The following NDOR1 variants were observed in gnomAD, a reference collection of about 807,000 sequenced individuals.
NDOR1 encodes NADPH dependent diflavin oxidoreductase 1, also known as NADPH-dependent diflavin oxidoreductase 1.
NDOR1 carries 61 observed loss-of-function variants against 67.2 expected under a neutral mutation model. The ratio of observed to expected loss-of-function variants is 0.91; its 90% confidence interval spans 0.74 to 1.12. The LOEUF is 1.12. Among genes scored for constraint, NDOR1 ranks in the 50% most tolerant of loss-of-function variants. The probability of loss-of-function intolerance (pLI) is 0.00; values close to 1 mark genes in which losing one functional copy is unlikely to be tolerated. For missense variants in NDOR1, 878 were observed against 802.8 expected (o/e 1.09, Z -1.13); for synonymous variants, 378 against 343.7 (o/e 1.10, Z -1.10).
chr9:137,215,308 C>T, intron 9 of NDOR1, 99 bp from the exon 10 acceptor site: 10 of 1,533,762 alleles, frequency 6.5e-6, no homozygotes, highest in African/African-American at 1.4e-5. Flanking sequence ...TGACGTTCCC[C>T]CAGTCGGACT....
intron 2 of NDOR1, among the ~76,000 whole-genome samples, chr9:137,206,580 A>G (rs1036921719): frequency 6.6e-6 from 1 of 152,000 alleles, no homozygotes; most frequent in Admixed American, 6.6e-5. Flanking sequence ...TCTTGTGTGT[A>G]TTTCTAGACT....
chr9:137,214,541 C>T (rs1835437969), intron 6 of NDOR1, 29 bp from the exon 7 acceptor site: 2 of 1,610,600 alleles, frequency 1.2e-6, no homozygotes, highest in Non-Finnish European at 1.7e-6. Flanking sequence ...TGCGGCGTCC[C>T]CACAGCCCTG....
rs1588826883 is a variant in NDOR1 at position 137,218,943 on chromosome 9, G to A, written c.*2527G>A. 7.4e-6 allele frequency: 2 copies of A among 272,058 alleles called. No homozygotes were observed. The highest frequency in any genetic ancestry group is 1.3e-4 in the East Asian group (2 of 15,880). 16.9% of individuals were successfully genotyped at this position (272,058 alleles called of 1,614,324 possible). A position where few individuals can be genotyped will look rare whatever the true frequency, so the allele number is the denominator to read the frequency against. ...GGCAGACGGGCACCGTACTGGCCAC[G>A]GGCTGACGCCGGCCACACTTCCCCT... is the stretch of plus-strand genomic sequence containing the variant. On this transcript the variant is annotated 3_prime_UTR_variant, in exon 14 of 14. Coordinates refer to ENST00000684003, the MANE Select transcript of NDOR1 (RefSeq NM_014434.4).
At position 137,205,746 on chromosome 9, in the gene NDOR1, T is replaced by C. The variant is rs371152838; in HGVS notation, c.-32T>C. 3.7e-5 allele frequency: 59 copies of C among 1,599,908 alleles called. No homozygotes were observed. The highest frequency in any genetic ancestry group is 4.3e-5 in the Non-Finnish European group (51 of 1,179,348). ...CCGGCGGGAACTGCCTTCTAGTTTT[T>C]AGTCTCAGACCAGACCACCGGGCGC... is the stretch of plus-strand genomic sequence containing the variant. On this transcript the variant is annotated 5_prime_UTR_variant, in exon 1 of 14. Coordinates refer to ENST00000684003, the MANE Select transcript of NDOR1 (RefSeq NM_014434.4).
chr9:137,212,446 C>A lies in NDOR1; in HGVS notation c.214-56C>A. On this transcript the variant is annotated intron_variant, in intron 2 of 13. Coordinates refer to ENST00000684003, the MANE Select transcript of NDOR1 (RefSeq NM_014434.4). This position sits in a 1 kb window ranked among gnomAD's most constrained non-coding sequence, Gnocchi z 4.3. The stretch of plus-strand genomic sequence containing the variant: ...CCTGAGACCCTCCCCTCACCCCCTG[C>A]TGTGGGGCTAGCCTAGAGGTCGAGG... The A allele has an allele frequency of 6.7e-7, 1 of 1,493,900 alleles. No individual in the cohort carries two copies. The highest frequency in any genetic ancestry group is 9.3e-7 in the Non-Finnish European group (1 of 1,070,996). 92.5% of individuals were successfully genotyped at this position (1,493,900 alleles called of 1,614,324 possible).
rs758788455 is a variant in NDOR1, at chr9:137,215,805, G to A, written c.1435G>A (p.Gly479Arg). The A allele has an allele frequency of 3.1e-6, 5 of 1,598,842 alleles. No individual in the cohort carries two copies. The Admixed American group carries it at 8.5e-5, about 27-fold the overall frequency. ...IQERVAQGQT[G>R]NFLFFGCRWR... is the part of the protein sequence containing the mutation. ...GGAGCGTGTGGCCCAGGGCCAGACT[G>A]GTGAGCACCCAGGGTCTCCGGGCAG... Residue 479 changes from glycine (G) to arginine (R), a missense_variant and splice_region_variant, in exon 11 of 14, where the codon GGA becomes AGA. By Grantham distance (125) the Gly-to-Arg change is moderately radical. Transcript: ENST00000684003.
In NDOR1 at chr9:137,215,812, A is replaced by C; in HGVS notation, c.1435+7A>C. 4 of 1,599,854 alleles carry C rather than the reference A, an allele frequency of 2.5e-6. No homozygotes were observed. The highest frequency in any genetic ancestry group is 3.4e-6 in the Non-Finnish European group (4 of 1,172,526). ...GTGGCCCAGGGCCAGACTGGTGAGC[A>C]CCCAGGGTCTCCGGGCAGGGTTGTT... On this transcript the variant is annotated splice_region_variant and intron_variant, in intron 11 of 13. Coordinates refer to ENST00000684003, the MANE Select transcript of NDOR1 (RefSeq NM_014434.4).
Position 137,212,920 on chromosome 9 carries a change from A to C in NDOR1, c.311+321A>C. On this transcript the variant is annotated intron_variant, in intron 3 of 13. Transcript: ENST00000684003. The surrounding 1 kb of genome is among the most constrained non-coding windows in gnomAD (Gnocchi z 4.3). Reference sequence around the variant, plus strand: ...TTGACGACTTTGAGCCTGGAGGAGGACCCCGTATGCTCCTGCCACCCCAGA... The same window carrying C: ...TTGACGACTTTGAGCCTGGAGGAGGCCCCCGTATGCTCCTGCCACCCCAGA... The C allele has an allele frequency of 3.0e-6, 1 of 336,030 alleles. No individual in the cohort carries two copies. 20.8% of individuals were successfully genotyped at this position (336,030 alleles called of 1,614,324 possible). A position where few individuals can be genotyped will look rare whatever the true frequency, so the allele number is the denominator to read the frequency against.
At position 137,212,634 on chromosome 9, in the gene NDOR1, A is replaced by G. The variant is rs986133982; in HGVS notation, c.311+35A>G. 7.6e-6 allele frequency: 12 copies of G among 1,577,348 alleles called. No individual in the cohort carries two copies. The highest frequency in any genetic ancestry group is 1.7e-4 in the Middle Eastern group (1 of 5,954). ...GGATGGGACAGTGGGCGGACGGAAC[A>G]GTTCTGGGGGTCGAGCAACAGGTGT... On this transcript the variant is annotated intron_variant, in intron 3 of 13. Coordinates refer to ENST00000684003, the MANE Select transcript of NDOR1 (RefSeq NM_014434.4). This position sits in a 1 kb window ranked among gnomAD's most constrained non-coding sequence, Gnocchi z 4.3.
In NDOR1 at chr9:137,215,491, TCCTGGCTGGCATC is replaced by T; in HGVS notation, c.1264_1276del (p.Leu422ThrfsTer28). The T allele has an allele frequency of 6.2e-7, 1 of 1,613,230 alleles. No homozygotes were observed. The highest frequency in any genetic ancestry group is 8.5e-7 in the Non-Finnish European group (1 of 1,179,924). ...GGAGCCCCGCCGGGGCCTCTGCTCC[TCCTGGCTGGCATC>T]CCTGGACCCTGGGCAAGGTGACCCC... On this transcript the variant is annotated frameshift_variant, in exon 10 of 14. Coordinates refer to ENST00000684003, the MANE Select transcript of NDOR1 (RefSeq NM_014434.4). LOFTEE classifies it high-confidence loss of function.
In NDOR1 at chr9:137,216,658, T is replaced by C. The variant is rs889184656; in HGVS notation, c.*242T>C. 3.2e-5 allele frequency: 18 copies of C among 565,176 alleles called. No individual in the cohort carries two copies. The highest frequency in any genetic ancestry group is 2.6e-4 in the African/African-American group (14 of 53,080). 35.0% of individuals were successfully genotyped at this position (565,176 alleles called of 1,614,324 possible). A position where few individuals can be genotyped will look rare whatever the true frequency, so the allele number is the denominator to read the frequency against. On this transcript the variant is annotated 3_prime_UTR_variant, in exon 14 of 14. Coordinates refer to ENST00000684003, the MANE Select transcript of NDOR1 (RefSeq NM_014434.4). ...GCTCCCCCACCCTGACAGTGAGCTG[T>C]GTCCTCGTCCCCCCACCCCCTTCCC...
At chr9:137,214,111 A>C (rs1305206463) in intron 5 of NDOR1, 43 bp downstream of exon 5, 3 of 1,530,046 alleles carry the variant, frequency 2.0e-6, no homozygotes, top group Non-Finnish European at 2.6e-6. Flanking sequence ...AGCAGACCCA[A>C]CCTGGCCTGG....
At chr9:137,208,378 G>A (rs965813758) in intron 2 of NDOR1, among the ~76,000 whole-genome samples, 1 of 152,036 alleles carries the variant, frequency 6.6e-6, no homozygotes, top group Non-Finnish European at 1.5e-5. Context: ...GTGAACCCGG[G>A]AGGCGGAACT....
At chr9:137,211,883 G>A (rs1169384517) in intron 2 of NDOR1, among the ~76,000 whole-genome samples, 1 of 152,010 alleles carries the variant, frequency 6.6e-6, no homozygotes, top group Admixed American at 6.5e-5. Context: ...CCTTGGGGGG[G>A]CCTCTGATCA....
rs144667037 is a variant in NDOR1, at chr9:137,210,971, T to C, written c.214-1531T>C. ...GCTTGGCCAACATGGTGAAACCCTGTCTCTACTAAAAATACAAAAATTAGC... is the reference window on the plus strand; with the variant it reads ...GCTTGGCCAACATGGTGAAACCCTGCCTCTACTAAAAATACAAAAATTAGC... On this transcript the variant is annotated intron_variant, in intron 2 of 13. Coordinates refer to ENST00000684003, the MANE Select transcript of NDOR1 (RefSeq NM_014434.4). Among the ~76,000 whole-genome samples the C allele has an allele frequency of 2.2e-4, 33 of 151,956 alleles. 1 individual carries two copies. In the East Asian group the frequency reaches 6.2e-3, roughly 29 times the overall value.
At chr9:137,215,052 G>A (rs752777208) in intron 8 of NDOR1, 34 bp downstream of exon 8, 3 of 1,612,904 alleles carry the variant, frequency 1.9e-6, no homozygotes, top group Non-Finnish European at 2.5e-6. Flanking sequence ...CAGCCCCTGA[G>A]CTACAGCCAC....
chr9:137,213,547 C>T (rs964379329), intron 3 of NDOR1, among the ~76,000 whole-genome samples: 5 of 152,178 alleles, frequency 3.3e-5, no homozygotes, highest in Non-Finnish European at 7.4e-5. Context: ...TCTCTGCGAG[C>T]AGAGGACCTG....
chr9:137,216,719 G>A lies in NDOR1; in HGVS notation c.*303G>A, dbSNP rs1835625793. The A allele has an allele frequency of 1.3e-5, 6 of 444,722 alleles. No homozygotes were observed. The highest frequency in any genetic ancestry group is 6.9e-5 in the South Asian group (3 of 43,490). 27.5% of individuals were successfully genotyped at this position (444,722 alleles called of 1,614,324 possible). On this transcript the variant is annotated 3_prime_UTR_variant, in exon 14 of 14. Transcript: ENST00000684003. The stretch of plus-strand genomic sequence containing the variant: ...GTGGCCTGGGCCGCTCCACCTCACC[G>A]GTGCAGTGACCCAGGACGGCATCAG...
Position 137,214,779 on chromosome 9 carries a change from C to G in NDOR1, c.845-19C>G, listed in dbSNP as rs1403791040. 6.9e-6 allele frequency: 11 copies of G among 1,598,176 alleles called. No homozygotes were observed. Among genetic ancestry groups the G allele is most frequent in the Non-Finnish European group, 8.5e-6 (10 of 1,176,590 alleles). On this transcript the variant is annotated intron_variant, in intron 7 of 13. Coordinates refer to ENST00000684003, the MANE Select transcript of NDOR1 (RefSeq NM_014434.4). ...AGGGCTCCGCCGCAGCCCACGGAGGCCTCCCACTCACCCTGCAGATGTCTC... is the reference window on the plus strand; with the variant it reads ...AGGGCTCCGCCGCAGCCCACGGAGGGCTCCCACTCACCCTGCAGATGTCTC...
Sources: gnomAD v4.1 joint callset for allele counts (sites outside exome capture counted in the v4.1 genomes callset) on GRCh38, gnomAD v4.1.1 for gene constraint, Gnocchi (gnomAD v3.1) non-coding constraint, MANE v1.5 for transcripts, NCBI Gene and HGNC (gene_info 2026-07-23, HGNC 2026-07-21) for gene names.